SRPK2: variants seen among roughly 807,000 people sequenced by gnomAD.
The protein encoded by SRPK2 is SRSF protein kinase 2, also known as SFRS protein kinase 2.
In SRPK2, 21 loss-of-function variants were observed where a neutral mutation model predicts 90.8. The observed-to-expected ratio is 0.23, with a 90% CI of 0.16 to 0.33. The LOEUF (loss-of-function observed/expected upper bound fraction) is 0.33. Among genes scored for constraint, SRPK2 ranks in the 10% least tolerant of loss-of-function variants. The pLI is 1.00. For missense variants in SRPK2, 620 were observed against 869.0 expected (o/e 0.71, Z 3.60); for synonymous variants, 288 against 311.1 (o/e 0.93, Z 0.78).
intron 2 of SRPK2, among the ~76,000 whole-genome samples, chr7:105,280,947 C>CAAAAA (rs1158350206): frequency 1.8e-4 from 8 of 43,306 alleles, no homozygotes; most frequent in African/African-American, 3.5e-4. Flanking sequence ...GACTCCATCT[C>CAAAAA]AAAAAAAAAA....
rs117475921 is a variant in SRPK2, at chr7:105,311,105, G to C, written c.71+77543C>G. Among the ~76,000 whole-genome samples the C allele has an allele frequency of 5.1e-3, 778 of 151,862 alleles. 12 individuals carry two copies. In the East Asian group the frequency reaches 0.055, roughly 11 times the overall value. On this transcript the variant is annotated intron_variant, in intron 2 of 15. Coordinates refer to ENST00000393651, the MANE Select transcript of SRPK2 (RefSeq NM_182692.3). ...AAGGACATTACCAAAAAAGTGAAAA[G>C]GCAACCTACAGAATGAAAAAAAATA...
At chr7:105,380,947 TAAAAAAAA>T (rs869039181) in intron 2 of SRPK2, among the ~76,000 whole-genome samples, 23 of 104,128 alleles carry the variant, frequency 2.2e-4, no homozygotes, top group Middle Eastern at 5.4e-3. Flanking sequence ...TTTATTACTT[TAAAAAAAA>T]AAAAAAAAAA....
At chr7:105,351,608 G>T (rs576970548) in intron 2 of SRPK2, among the ~76,000 whole-genome samples, 3 of 152,048 alleles carry the variant, frequency 2.0e-5, no homozygotes, top group Non-Finnish European at 4.4e-5. Flanking sequence ...TTTAAGACCA[G>T]CCTTGCCAAA....
intron 2 of SRPK2, among the ~76,000 whole-genome samples, chr7:105,321,415 C>T (rs190530558): frequency 2.2e-3 from 330 of 152,190 alleles, no homozygotes; most frequent in African/African-American, 7.6e-3. Flanking sequence ...TTGGGTATGA[C>T]AACAGATTCT....
chr7:105,312,568 A>T (rs1310044772), intron 2 of SRPK2, among the ~76,000 whole-genome samples: 1 of 152,174 alleles, frequency 6.6e-6, no homozygotes, highest in Non-Finnish European at 1.5e-5. Flanking sequence ...TCAGCCCTGC[A>T]CCTCAGATGC....
intron 3 of SRPK2, among the ~76,000 whole-genome samples, chr7:105,175,892 T>C (rs982539706): frequency 1.2e-4 from 19 of 152,268 alleles, no homozygotes; most frequent in Non-Finnish European, 1.3e-4. Context: ...AAAAAATGCA[T>C]TGGTATATTT....
At chr7:105,351,014 C>A (rs1203043867) in intron 2 of SRPK2, among the ~76,000 whole-genome samples, 1 of 152,132 alleles carries the variant, frequency 6.6e-6, no homozygotes, top group South Asian at 2.1e-4. Context: ...CTGAAACTCA[C>A]GTTAAAACTT....
At chr7:105,388,535 G>T (rs1467056057) in intron 2 of SRPK2, 113 bp downstream of exon 2, 5 of 898,902 alleles carry the variant, frequency 5.6e-6, no homozygotes, top group Non-Finnish European at 7.6e-6. Context: ...CAGCGTCCCG[G>T]GGGACCAGCC....
intron 2 of SRPK2, among the ~76,000 whole-genome samples, chr7:105,251,896 G>A (rs559892385): frequency 1.3e-5 from 2 of 152,262 alleles, no homozygotes; most frequent in African/African-American, 2.4e-5. Context: ...TGGCTTGAGG[G>A]GGAAGAAGGA....
intron 2 of SRPK2, among the ~76,000 whole-genome samples, chr7:105,265,934 T>A (rs1402862960): frequency 6.6e-6 from 1 of 152,120 alleles, no homozygotes; most frequent in Non-Finnish European, 1.5e-5. Flanking sequence ...AGTTTTTTTC[T>A]CTCTCTTCAA....
intron 2 of SRPK2, among the ~76,000 whole-genome samples, chr7:105,228,687 G>T (rs1799033859): frequency 6.6e-6 from 1 of 152,190 alleles, no homozygotes; most frequent in East Asian, 1.9e-4. Flanking sequence ...GCCACAAGCG[G>T]CAAGATGAGC....
At chr7:105,147,842 C>T (rs1054893530) in intron 7 of SRPK2, among the ~76,000 whole-genome samples, 1 of 152,130 alleles carries the variant, frequency 6.6e-6, no homozygotes, top group African/African-American at 2.4e-5. Context: ...ATTAGTACTT[C>T]GCTTATTCTT....
intron 7 of SRPK2, among the ~76,000 whole-genome samples, chr7:105,147,645 T>C (rs1163699406): frequency 6.6e-6 from 1 of 152,158 alleles, no homozygotes; most frequent in East Asian, 1.9e-4. Flanking sequence ...ATGACAACAT[T>C]TTCATTGCTC....
chr7:105,362,356 C>T lies in SRPK2; in HGVS notation c.71+26292G>A, dbSNP rs140676227. On this transcript the variant is annotated intron_variant, in intron 2 of 15. Transcript: ENST00000393651. ...GGCGCGGTGGCTCACGCCTGTAGTC[C>T]CAGCACTTTGAGAGGCCAAGGCGGG... 1.4e-3 allele frequency among the ~76,000 whole-genome samples: 217 copies of T among 151,980 alleles called. 1 individual carries two copies. Among genetic ancestry groups the T allele is most frequent in the African/African-American group, 4.8e-3 (200 of 41,446 alleles).
At chr7:105,216,611 C>T (rs1444975986) in intron 2 of SRPK2, among the ~76,000 whole-genome samples, 2 of 149,800 alleles carry the variant, frequency 1.3e-5, no homozygotes, top group East Asian at 2.0e-4. Context: ...GCCGAGATCG[C>T]ACCACTGTAC....
intron 2 of SRPK2, among the ~76,000 whole-genome samples, chr7:105,321,384 T>C (rs1433507379): frequency 2.0e-5 from 3 of 152,110 alleles, no homozygotes; most frequent in Admixed American, 1.3e-4. Flanking sequence ...GAAGATAACA[T>C]ACAGGTAAAT....
Position 105,142,212 on chromosome 7 carries a change from C to G in SRPK2, c.1339G>C (p.Gly447Arg). 6.2e-7 allele frequency: 1 copy of G among 1,613,896 alleles called. No individual in the cohort carries two copies. Among genetic ancestry groups the G allele is most frequent in the Non-Finnish European group, 8.5e-7 (1 of 1,179,880 alleles). The change falls in exon 11 of 16, where the codon GGT (glycine) becomes CGT (arginine). Residue 447 changes from glycine (G) to arginine (R), a missense_variant. Gly to Arg is a moderately radical substitution (Grantham distance 125). Transcript: ENST00000393651. ...TYSSSYEQFN[G>R]ELPNGRHKIP... The stretch of plus-strand genomic sequence containing the variant: ...TTATGTCGTCCATTTGGCAATTCAC[C>G]ATTGAATTGTTCATAGGAGCTGCTA...
chr7:105,272,568 C>T (rs932530449), intron 2 of SRPK2, among the ~76,000 whole-genome samples: 2 of 151,840 alleles, frequency 1.3e-5, no homozygotes, highest in Non-Finnish European at 2.9e-5. Context: ...TTTGCAAGAC[C>T]GTTATCTTCC....
chr7:105,329,160 C>T lies in SRPK2; in HGVS notation c.71+59488G>A, dbSNP rs1042279052. Among the ~76,000 whole-genome samples, 5 of 152,078 alleles carry T rather than the reference C, an allele frequency of 3.3e-5. No individual in the cohort carries two copies. In the East Asian group the frequency reaches 7.7e-4, roughly 23 times the overall value. ...CCCCAAATTTTTTTCTCCCACATTGCCTGAATCTTTATATATTTCACCATG... is the reference window on the plus strand; with the variant it reads ...CCCCAAATTTTTTTCTCCCACATTGTCTGAATCTTTATATATTTCACCATG... On this transcript the variant is annotated intron_variant, in intron 2 of 15. Coordinates refer to ENST00000393651, the MANE Select transcript of SRPK2 (RefSeq NM_182692.3).
Sources: gnomAD v4.1 joint callset for allele counts (sites outside exome capture counted in the v4.1 genomes callset) on GRCh38, gnomAD v4.1.1 for gene constraint, MANE v1.5 for transcripts, NCBI Gene and HGNC (gene_info 2026-07-23, HGNC 2026-07-21) for gene names.